Variants in GOLGA1 observed in about 807,000 individuals in gnomAD.
The protein encoded by GOLGA1 is golgin subfamily A member 1.
In GOLGA1, 63 loss-of-function variants were observed where a neutral mutation model predicts 119.7. The observed-to-expected ratio is 0.53, with a 90% CI of 0.43 to 0.65. GOLGA1 has a LOEUF of 0.65. Ranked by LOEUF, GOLGA1 falls within the 30% of genes least tolerant of loss-of-function variation. The pLI is 0.00. For synonymous variants in GOLGA1, 318 were observed against 333.4 expected (o/e 0.95, Z 0.50); for missense variants, 798 against 912.8 (o/e 0.87, Z 1.62).
Position 124,899,481 on chromosome 9 carries a change from G to T in GOLGA1, c.1162-3C>A. On this transcript the variant is annotated splice_polypyrimidine_tract_variant and splice_region_variant and intron_variant, in intron 13 of 22. Transcript: ENST00000373555. The stretch of plus-strand genomic sequence containing the variant: ...CTGCTCTCCTGGTTGGCGGCAGCCT[G>T]CGGGGAGACCAAAGGACGGTCAGTC... 6.5e-7 allele frequency: 1 copy of T among 1,544,268 alleles called. No homozygotes were observed. The highest frequency in any genetic ancestry group is 2.4e-5 in the East Asian group (1 of 41,320).
chr9:124,920,108 C>A lies in GOLGA1; in HGVS notation c.843+1021G>T, dbSNP rs572724251. Among the ~76,000 whole-genome samples the A allele has an allele frequency of 3.1e-3, 464 of 152,016 alleles. 3 individuals carry two copies. The highest frequency in any genetic ancestry group is 0.012 in the South Asian group (58 of 4,804). On this transcript the variant is annotated intron_variant, in intron 10 of 22. Coordinates refer to ENST00000373555, the MANE Select transcript of GOLGA1 (RefSeq NM_002077.4). ...CCCAAGTACTGGAATTACAGGTGCA[C>A]GCCACCACACCCAGCCTTATTTTTA... is the stretch of plus-strand genomic sequence containing the variant.
At chr9:124,892,450 G>A (rs986845314) in intron 15 of GOLGA1, among the ~76,000 whole-genome samples, 1 of 151,920 alleles carries the variant, frequency 6.6e-6, no homozygotes, top group South Asian at 2.1e-4. Flanking sequence ...TTGATCCACA[G>A]TATTTACAAA....
intron 11 of GOLGA1, among the ~76,000 whole-genome samples, chr9:124,909,621 A>T (rs1460809078): frequency 6.6e-6 from 1 of 151,890 alleles, no homozygotes; most frequent in East Asian, 1.9e-4. Context: ...AAAAAAAAAA[A>T]AAAAAAAGAA....
At chr9:124,925,385 G>A (rs1830654354) in intron 7 of GOLGA1, among the ~76,000 whole-genome samples, 1 of 147,122 alleles carries the variant, frequency 6.8e-6, no homozygotes, top group Non-Finnish European at 1.5e-5. Flanking sequence ...TCAAGCACAG[G>A]TTTCCTTGGG....
At chr9:124,919,212 G>A (rs1053671456) in intron 10 of GOLGA1, among the ~76,000 whole-genome samples, 15 of 151,956 alleles carry the variant, frequency 9.9e-5, no homozygotes, top group African/African-American at 2.7e-4. Context: ...AGCCGTTGAC[G>A]TCACTGCACT....
rs1308188395 is a variant in GOLGA1, at chr9:124,878,810, CT to C, written c.*1719del. 6.6e-6 allele frequency: 1 copy of C among 152,222 alleles called. No individual in the cohort carries two copies. The highest frequency in any genetic ancestry group is 6.5e-5 in the Admixed American group (1 of 15,276). The allele number at this position is 152,222 out of a possible 1,614,324, so 9.4% of individuals were successfully genotyped here. A position where few individuals can be genotyped will look rare whatever the true frequency, so the allele number is the denominator to read the frequency against. On this transcript the variant is annotated 3_prime_UTR_variant, in exon 23 of 23. Coordinates refer to ENST00000373555, the MANE Select transcript of GOLGA1 (RefSeq NM_002077.4). ...TTTGGCTGGCTGTGAGCTACCCAGT[CT>C]TAGAGATTCTTTCCTGGAACAGTTG... is the stretch of plus-strand genomic sequence containing the variant.
At chr9:124,922,168 C>A (rs541862064) in intron 8 of GOLGA1, among the ~76,000 whole-genome samples, 1 of 150,262 alleles carries the variant, frequency 6.7e-6, no homozygotes, top group African/African-American at 2.5e-5. Flanking sequence ...GTGGAGGTTG[C>A]AATTAGCCAA....
intron 2 of GOLGA1, among the ~76,000 whole-genome samples, chr9:124,939,136 C>T (rs1325089870): frequency 4.6e-5 from 7 of 151,928 alleles, no homozygotes; most frequent in South Asian, 2.1e-4. Flanking sequence ...ATTCACAAAT[C>T]TCTACGTTTT....
chr9:124,908,457 G>A lies in GOLGA1; in HGVS notation c.985C>T (p.Gln329Ter). The change falls in exon 12 of 23, where the codon CAG (glutamine) becomes TAG (stop). Residue 329 changes from glutamine (Q) to a stop codon, truncating the protein, a stop_gained. Coordinates refer to ENST00000373555, the MANE Select transcript of GOLGA1 (RefSeq NM_002077.4). LOFTEE classifies it high-confidence loss of function. ...ELLKEKTLAEQNLEDTRQQLL... is the reference protein window; with the variant it reads ...ELLKEKTLAE Reference sequence around the variant, plus strand: ...TGTTGTCTGGTATCCTCCAAATTCTGCTCAGCAAGTGTTTTCTGTAAGTTG... The same window carrying A: ...TGTTGTCTGGTATCCTCCAAATTCTACTCAGCAAGTGTTTTCTGTAAGTTG... 6.2e-7 allele frequency: 1 copy of A among 1,600,370 alleles called. No homozygotes were observed. Among genetic ancestry groups the A allele is most frequent in the Non-Finnish European group, 8.6e-7 (1 of 1,167,378 alleles).
Position 124,881,866 on chromosome 9 carries a change from G to C in GOLGA1, c.2054C>G (p.Thr685Ser). The C allele has an allele frequency of 1.2e-6, 2 of 1,612,310 alleles. No individual in the cohort carries two copies. Among genetic ancestry groups the C allele is most frequent in the Non-Finnish European group, 1.7e-6 (2 of 1,178,448 alleles). Residue 685 changes from threonine (T) to serine (S), a missense_variant, in exon 21 of 23, where the codon ACT (threonine) becomes AGT (serine). Coordinates refer to ENST00000373555, the MANE Select transcript of GOLGA1 (RefSeq NM_002077.4). The surrounding 1 kb of genome is among the most constrained non-coding windows in gnomAD (Gnocchi z 4.9). Reference sequence around the variant, plus strand: ...GATCTCGCGGGCATCTGTCAGGTCAGTGTTATTCGTGACGGAAGGCGCCAT... The same window carrying C: ...GATCTCGCGGGCATCTGTCAGGTCACTGTTATTCGTGACGGAAGGCGCCAT... Reference protein sequence around the residue: ...ANMAPSVTNNTDLTDAREINF... With the variant: ...ANMAPSVTNNSDLTDAREINF...
intron 13 of GOLGA1, 172 bp downstream of exon 13, chr9:124,900,280 C>G: frequency 4.1e-6 from 2 of 493,824 alleles, no homozygotes; most frequent in Non-Finnish European, 7.4e-6. Flanking sequence ...ACCATTAGGT[C>G]CTGACTCCCT....
Position 124,921,278 on chromosome 9 carries a change from T to C in GOLGA1, c.732-38A>G, listed in dbSNP as rs1175332097. On this transcript the variant is annotated intron_variant, in intron 9 of 22. Transcript: ENST00000373555. ...AAAGCAGACAATGAACAAATTTGGATATCTCATCTAATATACAGTCTTCTG... is the reference window on the plus strand; with the variant it reads ...AAAGCAGACAATGAACAAATTTGGACATCTCATCTAATATACAGTCTTCTG... The C allele has an allele frequency of 3.4e-6, 4 of 1,164,168 alleles. No individual in the cohort carries two copies. The African/African-American group carries it at 6.0e-5, about 18-fold the overall frequency. 72.1% of individuals were successfully genotyped at this position (1,164,168 alleles called of 1,614,324 possible).
intron 19 of GOLGA1, chr9:124,887,358 G>A (rs1230997977): frequency 6.6e-6 from 1 of 152,416 alleles, no homozygotes; most frequent in Admixed American, 6.5e-5. Context: ...AGGGGCTCAG[G>A]GGGCTGGGCT....
chr9:124,912,577 C>T (rs1389935080), intron 10 of GOLGA1, among the ~76,000 whole-genome samples: 3 of 152,186 alleles, frequency 2.0e-5, no homozygotes, highest in Non-Finnish European at 4.4e-5. Flanking sequence ...GAGTGTCGCT[C>T]TGTTGCCTTG....
chr9:124,916,208 GT>G (rs1830442956), intron 10 of GOLGA1, among the ~76,000 whole-genome samples: 1 of 151,482 alleles, frequency 6.6e-6, no homozygotes. Context: ...TACAATACAG[GT>G]TAGGAAGAAC....
intron 15 of GOLGA1, among the ~76,000 whole-genome samples, chr9:124,891,955 C>T (rs558394904): frequency 1.1e-3 from 141 of 132,324 alleles, no homozygotes; most frequent in Non-Finnish European, 1.9e-3. Context: ...TCCCTCCCTC[C>T]CTTCTTCACT....
chr9:124,919,617 TATG>T (rs1321774951), intron 10 of GOLGA1, among the ~76,000 whole-genome samples: 4 of 152,232 alleles, frequency 2.6e-5, no homozygotes, highest in Admixed American at 6.5e-5. Flanking sequence ...TATCTGTAAG[TATG>T]ATAATACTTA....
intron 19 of GOLGA1, among the ~76,000 whole-genome samples, chr9:124,883,184 C>T (rs1829629745): frequency 6.6e-6 from 1 of 151,980 alleles, no homozygotes; most frequent in African/African-American, 2.4e-5. Flanking sequence ...ACTGCAACCT[C>T]CGCCTCCTGG....
At position 124,880,539 on chromosome 9, in the gene GOLGA1, T is replaced by C. The variant is rs368560863; in HGVS notation, c.2295A>G (p.Pro765=). ...CCTTGGGTAGTCCCCTCTAGGACCATGGTATCCGAGGGTTTGAGATAGACG... is the reference window on the plus strand; with the variant it reads ...CCTTGGGTAGTCCCCTCTAGGACCACGGTATCCGAGGGTTTGAGATAGACG... ...IRPSISNPRI[P]WS Residue 765 remains proline (P), a synonymous_variant, in exon 23 of 23, where the codon CCA becomes CCG. Transcript: ENST00000373555. 7.1e-5 allele frequency: 114 copies of C among 1,596,568 alleles called. No homozygotes were observed. Among genetic ancestry groups the C allele is most frequent in the Non-Finnish European group, 9.4e-5 (109 of 1,164,234 alleles).
Sources: allele counts gnomAD v4.1 joint callset (sites outside exome capture counted in the v4.1 genomes callset), GRCh38; gene constraint gnomAD v4.1.1; non-coding constraint Gnocchi (gnomAD v3.1); transcripts MANE v1.5; gene names NCBI Gene and HGNC (gene_info 2026-07-23, HGNC 2026-07-21).